The following DMD variants were observed in gnomAD, a reference collection of about 807,000 sequenced individuals.
DMD encodes the protein mutant dystrophin.
Under a neutral mutation model 330.1 loss-of-function variants are expected in DMD, and 63 were observed. The observed-to-expected ratio is 0.19, with a 90% CI of 0.16 to 0.24. The LOEUF (loss-of-function observed/expected upper bound fraction) is 0.24, where lower values mean the gene tolerates loss of function less well. Ranked by LOEUF, DMD falls within the 10% of genes least tolerant of loss-of-function variation. The probability of loss-of-function intolerance (pLI) is 1.00; values close to 1 mark genes in which losing one functional copy is unlikely to be tolerated. For synonymous variants in DMD, 1,223 were observed against 959.8 expected (o/e 1.27, Z -5.07); for missense variants, 3,344 against 2,684.1 (o/e 1.25, Z -5.43).
chrX:31,903,330 T>G (rs2094444795), intron 47 of DMD, among the ~76,000 whole-genome samples: 1 of 111,697 alleles, frequency 9.0e-6, no homozygotes, highest in Admixed American at 9.6e-5. Context: ...TGTTACCACA[T>G]TGGAGAGCAC....
At chrX:31,481,815 CA>C (rs774295711) in intron 57 of DMD, among the ~76,000 whole-genome samples, 63 of 111,079 alleles carry the variant, frequency 5.7e-4, no homozygotes, top group Non-Finnish European at 1.1e-3. Context: ...ATTTACATTT[CA>C]AAAAATATGA....
At chrX:31,127,664 A>G (rs2033903950) in intron 77 of DMD, among the ~76,000 whole-genome samples, 1 of 110,784 alleles carries the variant, frequency 9.0e-6, no homozygotes, top group Admixed American at 9.6e-5. Context: ...CCCTCCACCC[A>G]TCATTCTCAG....
intron 55 of DMD, among the ~76,000 whole-genome samples, chrX:31,553,925 G>T (rs1361297250): frequency 8.9e-6 from 1 of 112,505 alleles, no homozygotes; most frequent in Non-Finnish European, 1.9e-5. Flanking sequence ...CCTTCATTTA[G>T]AATCTTAAAC....
At chrX:31,618,405 T>C (rs774168481) in intron 55 of DMD, among the ~76,000 whole-genome samples, 5 of 111,751 alleles carry the variant, frequency 4.5e-5, no homozygotes, top group Admixed American at 1.9e-4. Flanking sequence ...GAGGACTTGA[T>C]AAAAATATTT....
In DMD at chrX:31,461,231, G is replaced by A. The variant is rs752213785; in HGVS notation, c.8938-16604C>T. ...ATTTATTACTTGTAATTGAAGAAAC[G>A]CTAACACTACACAAAATATGTCTTC... On this transcript the variant is annotated intron_variant, in intron 59 of 78. Coordinates refer to ENST00000357033, the MANE Select transcript of DMD (RefSeq NM_004006.3). 2.7e-5 allele frequency among the ~76,000 whole-genome samples: 3 copies of A among 111,656 alleles called. No homozygotes were observed. In the East Asian group the frequency reaches 8.4e-4, roughly 31 times the overall value.
At chrX:32,705,758 T>A (rs1289608522) in intron 7 of DMD, among the ~76,000 whole-genome samples, 1 of 112,047 alleles carries the variant, frequency 8.9e-6, no homozygotes, top group Non-Finnish European at 1.9e-5. Context: ...GTGGTTTTGA[T>A]TTGCATTTCT....
intron 59 of DMD, among the ~76,000 whole-genome samples, chrX:31,476,151 C>T (rs2067722924): frequency 9.3e-6 from 1 of 107,135 alleles, no homozygotes; most frequent in South Asian, 4.2e-4. Context: ...GCAGTTTCTT[C>T]TGCTTGGTGG....
chrX:31,159,241 G>C lies in DMD; in HGVS notation c.10553+10202C>G, dbSNP rs976113541. Among the ~76,000 whole-genome samples the C allele has an allele frequency of 2.7e-5, 3 of 111,204 alleles. No homozygotes were observed. The Admixed American group carries it at 2.9e-4, about 11-fold the overall frequency. On this transcript the variant is annotated intron_variant, in intron 74 of 78. Coordinates refer to ENST00000357033, the MANE Select transcript of DMD (RefSeq NM_004006.3). ...ACCATGGAAACAAACCTTACTCGAAGGCAAAAAGACTGGGAATCATGCTCA... is the reference window on the plus strand; with the variant it reads ...ACCATGGAAACAAACCTTACTCGAACGCAAAAAGACTGGGAATCATGCTCA...
At chrX:31,679,915 A>G (rs757074529) in intron 52 of DMD, among the ~76,000 whole-genome samples, 1 of 112,113 alleles carries the variant, frequency 8.9e-6, no homozygotes, top group Non-Finnish European at 1.9e-5. Context: ...TTGCCACTTC[A>G]GCACCCATCA....
chrX:32,749,203 G>A (rs1310728256), intron 7 of DMD, among the ~76,000 whole-genome samples: 1 of 112,253 alleles, frequency 8.9e-6, no homozygotes, highest in African/African-American at 3.2e-5. Flanking sequence ...CTGTGACTCA[G>A]CAGATAGGAA....
At chrX:31,174,191 A>G (rs193098123) in intron 71 of DMD, among the ~76,000 whole-genome samples, 2 of 111,676 alleles carry the variant, frequency 1.8e-5, no homozygotes, top group East Asian at 5.6e-4. Flanking sequence ...TTCTAGCACA[A>G]AATAGAATGA....
At chrX:32,132,607 T>C (rs752430159) in intron 44 of DMD, among the ~76,000 whole-genome samples, 1 of 111,475 alleles carries the variant, frequency 9.0e-6, no homozygotes, top group Non-Finnish European at 1.9e-5. Context: ...TAGATACAGA[T>C]GCTCACAACA....
At chrX:31,942,694 T>C (rs756353584) in intron 45 of DMD, among the ~76,000 whole-genome samples, 1 of 111,938 alleles carries the variant, frequency 8.9e-6, no homozygotes, top group African/African-American at 3.2e-5. Flanking sequence ...GGTCCTGTTA[T>C]GTAGTCCCAC....
intron 9 of DMD, among the ~76,000 whole-genome samples, chrX:32,693,101 T>C (rs1462227030): frequency 1.8e-5 from 2 of 111,413 alleles, no homozygotes; most frequent in South Asian, 3.8e-4. Context: ...TGATGTCATA[T>C]GAGAAAGACT....
At chrX:33,266,799 T>A (rs2053049023) in intron 1 of DMD, among the ~76,000 whole-genome samples, 1 of 111,126 alleles carries the variant, frequency 9.0e-6, no homozygotes, top group African/African-American at 3.3e-5. Flanking sequence ...CCAACATCCC[T>A]TCATGATAAA....
rs190647876 is a variant in DMD, at chrX:32,860,214, A to T, written c.94-10394T>A. 1.2e-3 allele frequency among the ~76,000 whole-genome samples: 134 copies of T among 112,191 alleles called. 1 individual carries two copies. The highest frequency in any genetic ancestry group is 4.3e-3 in the African/African-American group (132 of 30,906). On this transcript the variant is annotated intron_variant, in intron 2 of 78. Coordinates refer to ENST00000357033, the MANE Select transcript of DMD (RefSeq NM_004006.3). ...AAGTGGAACAAATCAAAGTAAAAAA[A>T]TTTGAGAAAGGAAATGCATTTGTGA... is the stretch of plus-strand genomic sequence containing the variant.
intron 45 of DMD, among the ~76,000 whole-genome samples, chrX:31,932,768 G>A (rs766121347): frequency 9.0e-6 from 1 of 111,295 alleles, no homozygotes; most frequent in Non-Finnish European, 1.9e-5. Flanking sequence ...ACATACGTAC[G>A]TACATACATA....
At chrX:31,732,781 C>T (rs995072118) in intron 51 of DMD, among the ~76,000 whole-genome samples, 1 of 111,474 alleles carries the variant, frequency 9.0e-6, no homozygotes, top group Non-Finnish European at 1.9e-5. Flanking sequence ...TATCTTCATC[C>T]TCATATGACC....
chrX:31,371,937 T>C (rs73468310), intron 60 of DMD, among the ~76,000 whole-genome samples: 3,406 of 112,134 alleles, frequency 0.03, 131 homozygotes, highest in African/African-American at 0.1. Context: ...GCTAAGTTTC[T>C]GCTTTTGTAT....
Sources: gnomAD v4.1 joint callset for allele counts (sites outside exome capture counted in the v4.1 genomes callset) on GRCh38, gnomAD v4.1.1 for gene constraint, MANE v1.5 for transcripts, NCBI Gene and HGNC (gene_info 2026-07-23, HGNC 2026-07-21) for gene names.